The following DHRS12 variants were observed in gnomAD, a reference collection of about 807,000 sequenced individuals.
DHRS12 encodes dehydrogenase/reductase SDR family member 12.
Under a neutral mutation model 32.1 loss-of-function variants are expected in DHRS12, and 29 were observed. The observed-to-expected ratio is 0.90, with a 90% CI of 0.67 to 1.23. The LOEUF is 1.23. Ranked by LOEUF, DHRS12 falls within the 50% of genes most tolerant of loss-of-function variation. The pLI, the probability that DHRS12 is intolerant of heterozygous loss-of-function variation, is 0.00. For synonymous variants in DHRS12, 150 were observed against 135.9 expected, an observed-to-expected ratio of 1.10 and a Z score of -0.72; for missense variants, 330 against 337.2, an observed-to-expected ratio of 0.98 and a Z score of 0.17.
At chr13:51,799,972 G>A (rs1268583949) in intron 1 of DHRS12, among the ~76,000 whole-genome samples, 1 of 152,166 alleles carries the variant, frequency 6.6e-6, no homozygotes, top group Non-Finnish European at 1.5e-5. Flanking sequence ...AAAATCCCTT[G>A]ACAGATGAAT....
chr13:51,794,928 G>A (rs1227660885), intron 2 of DHRS12, among the ~76,000 whole-genome samples: 1 of 152,008 alleles, frequency 6.6e-6, no homozygotes, highest in African/African-American at 2.4e-5. Context: ...GGCCCTTTGG[G>A]AGCATCGTGT....
rs151116008 is a variant in DHRS12 at position 51,771,891 on chromosome 13, C to T, written c.489G>A (p.Thr163=). The T allele has an allele frequency of 1.8e-5, 29 of 1,614,100 alleles. No homozygotes were observed. Among genetic ancestry groups the T allele is most frequent in the Middle Eastern group, 3.3e-4 (2 of 6,062 alleles). ...AQNKRQQVVL[T]ERWAQGHPAI... is the part of the protein sequence containing the mutation. ...CCGGGTGCCCTTGGGCCCACCGCTC[C>T]GTCAGAACCACTTGCTGCCTCTGGA... The change falls in exon 7 of 9, where the codon ACG becomes ACA. Residue 163 remains threonine, a synonymous_variant. Transcript: ENST00000444610.
At chr13:51,770,456 C>CT (rs1186209493) in intron 7 of DHRS12, among the ~76,000 whole-genome samples, 2 of 152,302 alleles carry the variant, frequency 1.3e-5, no homozygotes, top group Admixed American at 6.5e-5. Flanking sequence ...GAATGGTGTC[C>CT]TTGGAGGGTA....
At chr13:51,791,403 A>G (rs1230611054) in intron 2 of DHRS12, 146 bp from the exon 3 acceptor site, 6 of 450,840 alleles carry the variant, frequency 1.3e-5, no homozygotes, top group South Asian at 3.8e-5. Context: ...CCTCAAAAAT[A>G]AACCATTGTT....
intron 7 of DHRS12, 94 bp from the exon 8 acceptor site, chr13:51,769,387 T>G: frequency 9.6e-7 from 1 of 1,036,920 alleles, no homozygotes; most frequent in Non-Finnish European, 1.3e-6. Flanking sequence ...AGTGCAAAAA[T>G]GAAATGGGAT....
chr13:51,786,867 C>T (rs868590449), intron 4 of DHRS12, among the ~76,000 whole-genome samples: 2 of 152,292 alleles, frequency 1.3e-5, no homozygotes, highest in Middle Eastern at 3.4e-3. Flanking sequence ...AAATAGAAAA[C>T]AACCTATCCC....
At chr13:51,780,311 C>G (rs2139096377) in intron 4 of DHRS12, among the ~76,000 whole-genome samples, 1 of 152,252 alleles carries the variant, frequency 6.6e-6, no homozygotes, top group Admixed American at 6.5e-5. Context: ...ACTTCCTTTC[C>G]TCTAAGACTT....
chr13:51,759,814 G>A, the DHRS12 span: 1 of 1,598,628 alleles, frequency 6.3e-7, no homozygotes, highest in Non-Finnish European at 8.6e-7. Flanking sequence ...TAAAGAAACG[G>A]TTGTTTTAAC....
rs999255517 is a variant in DHRS12 at position 51,782,917 on chromosome 13, A to G, written c.302-5796T>C. ...AGGTAAGGTCCTGGCCCACAGGAGG[A>G]CTTGGATTTGGGGCCGGTGCTCCTA... is the stretch of plus-strand genomic sequence containing the variant. On this transcript the variant is annotated intron_variant, in intron 4 of 8. Transcript: ENST00000444610. The surrounding 1 kb of genome is among the most constrained non-coding windows in gnomAD (Gnocchi z 4.2). Among the ~76,000 whole-genome samples, 1 of 152,142 alleles carries G rather than the reference A, an allele frequency of 6.6e-6. No homozygotes were observed. Among genetic ancestry groups the G allele is most frequent in the East Asian group, 1.9e-4 (1 of 5,190 alleles).
chr13:51,771,711 G>T, intron 7 of DHRS12, 110 bp downstream of exon 7: 2 of 1,407,576 alleles, frequency 1.4e-6, no homozygotes, highest in South Asian at 1.3e-5. Flanking sequence ...CTACTCCTCA[G>T]TCCTCATTAC....
intron 4 of DHRS12, chr13:51,789,511 GGCT>G: frequency 1.0e-6 from 1 of 979,260 alleles, no homozygotes; most frequent in African/African-American, 1.7e-5. Context: ...GTGATGCTGA[GGCT>G]GCTGGTCTGG....
intron 1 of DHRS12, among the ~76,000 whole-genome samples, chr13:51,802,411 A>C (rs945218319): frequency 3.3e-5 from 5 of 152,236 alleles, no homozygotes; most frequent in African/African-American, 1.2e-4. Context: ...ACTCAAGCTG[A>C]GAGGACATTT....
intron 7 of DHRS12, chr13:51,770,798 C>A (rs1953974638): frequency 9.8e-7 from 1 of 1,025,244 alleles, no homozygotes; most frequent in South Asian, 3.8e-5. Context: ...TTGGTATCTT[C>A]ATTTAATGAT....
At chr13:51,760,848 C>G in the DHRS12 span, 1 of 152,354 alleles carries the variant, frequency 6.6e-6, no homozygotes, top group Non-Finnish European at 1.5e-5. Flanking sequence ...GGAGCCCAGG[C>G]AGTAACACTT....
In DHRS12 at chr13:51,804,059, G is replaced by T; in HGVS notation, c.-14C>A. The T allele has an allele frequency of 2.0e-6, 3 of 1,484,548 alleles. No individual in the cohort carries two copies. Among genetic ancestry groups the T allele is most frequent in the Non-Finnish European group, 2.7e-6 (3 of 1,124,236 alleles). 92.0% of individuals were successfully genotyped at this position (1,484,548 alleles called of 1,614,324 possible). On this transcript the variant is annotated 5_prime_UTR_variant, in exon 1 of 9. The change creates a premature stop within an existing upstream ORF in the 5' untranslated region. Transcript: ENST00000444610. ...GCCCCGCCGCGCCGCCTTACTTGGT[G>T]TACTCGCGCAGCCCCTTGGCGAACC...
At chr13:51,780,162 G>C (rs1954634816) in intron 4 of DHRS12, among the ~76,000 whole-genome samples, 1 of 151,866 alleles carries the variant, frequency 6.6e-6, no homozygotes. Context: ...GGGCAAGAGA[G>C]TGAGATTCCA....
intron 4 of DHRS12, among the ~76,000 whole-genome samples, chr13:51,786,566 C>T (rs1418751327): frequency 6.6e-6 from 1 of 152,176 alleles, no homozygotes; most frequent in East Asian, 1.9e-4. Flanking sequence ...TCGCTTTTGT[C>T]CCTCAGTAGG....
At chr13:51,794,966 C>T (rs1200953519) in intron 2 of DHRS12, among the ~76,000 whole-genome samples, 3 of 152,050 alleles carry the variant, frequency 2.0e-5, no homozygotes, top group African/African-American at 7.2e-5. Context: ...CAGCAGTCTG[C>T]TCTACAGTAA....
At chr13:51,785,567 C>A (rs866786544) in intron 4 of DHRS12, among the ~76,000 whole-genome samples, 4 of 152,322 alleles carry the variant, frequency 2.6e-5, no homozygotes, top group South Asian at 4.1e-4. Flanking sequence ...ATTGCTCGCA[C>A]ACCTGGGCCT....
Sources: allele counts gnomAD v4.1 joint callset (sites outside exome capture counted in the v4.1 genomes callset), GRCh38; gene constraint gnomAD v4.1.1; non-coding constraint Gnocchi (gnomAD v3.1); transcripts MANE v1.5; gene names NCBI Gene and HGNC (gene_info 2026-07-23, HGNC 2026-07-21).